CNTNAP2: variants seen among roughly 807,000 people sequenced by gnomAD.
CNTNAP2 encodes contactin associated protein 2.
A neutral mutation model predicts 155.2 loss-of-function variants in CNTNAP2; 98 were observed. The observed-to-expected ratio is 0.63, with a 90% CI of 0.54 to 0.75. The LOEUF is 0.75. CNTNAP2 is among the 30% of genes least tolerant of loss of function. The pLI is 0.00. For synonymous variants in CNTNAP2, 651 were observed against 631.2 expected, an observed-to-expected ratio of 1.03 and a Z score of -0.47; for missense variants, 1,727 against 1,688.1, an observed-to-expected ratio of 1.02 and a Z score of -0.40.
At chr7:146,157,137 C>CG (rs1554397528) in intron 1 of CNTNAP2, among the ~76,000 whole-genome samples, 1 of 150,538 alleles carries the variant, frequency 6.6e-6, no homozygotes, top group Non-Finnish European at 1.5e-5. Flanking sequence ...AGGTGAACTA[C>CG]TTTTTTTTTA....
intron 21 of CNTNAP2, among the ~76,000 whole-genome samples, chr7:148,364,803 C>T (rs1006942012): frequency 5.9e-5 from 9 of 152,202 alleles, no homozygotes; most frequent in Admixed American, 2.6e-4. Flanking sequence ...CCAGCATTGG[C>T]AACCCGCTCG....
chr7:147,961,248 T>C lies in CNTNAP2; in HGVS notation c.2256-16614T>C, dbSNP rs141944957. On this transcript the variant is annotated intron_variant, in intron 14 of 23. Coordinates refer to ENST00000361727, the MANE Select transcript of CNTNAP2 (RefSeq NM_014141.6). ...ATATACTCAAATGAAAAAATCCATG[T>C]ATCTTACTATCTTCTGCCTTCTTCT... Among the ~76,000 whole-genome samples, 390 of 152,318 alleles carry C rather than the reference T, an allele frequency of 2.6e-3. 1 individual carries two copies. Among genetic ancestry groups the C allele is most frequent in the African/African-American group, 9.2e-3 (382 of 41,570 alleles).
At chr7:147,128,638 T>C in intron 6 of CNTNAP2, 55 bp from the exon 7 acceptor site, 1 of 1,599,932 alleles carries the variant, frequency 6.3e-7, no homozygotes, top group South Asian at 1.1e-5. Context: ...CATAGTTTTG[T>C]CTAGTTCATC....
intron 1 of CNTNAP2, among the ~76,000 whole-genome samples, chr7:146,408,479 G>A (rs1212643066): frequency 1.3e-5 from 2 of 151,988 alleles, no homozygotes; most frequent in African/African-American, 2.4e-5. Flanking sequence ...GTAGGGACAT[G>A]GATGAAGCTG....
chr7:146,525,809 A>G (rs1038538947), intron 1 of CNTNAP2, among the ~76,000 whole-genome samples: 7 of 152,098 alleles, frequency 4.6e-5, no homozygotes, highest in Non-Finnish European at 5.9e-5. Flanking sequence ...TATGCTTTCA[A>G]CTGTATCCCC....
intron 6 of CNTNAP2, 158 bp downstream of exon 6, chr7:147,121,321 C>A (rs1801107245): frequency 3.0e-6 from 2 of 672,644 alleles, no homozygotes; most frequent in South Asian, 2.0e-5. Context: ...TAATTCGTTT[C>A]ATTTTATTTC....
intron 1 of CNTNAP2, among the ~76,000 whole-genome samples, chr7:146,704,135 A>G (rs1800923294): frequency 1.3e-5 from 2 of 152,148 alleles, no homozygotes; most frequent in Admixed American, 6.6e-5. Context: ...TGTAAATTGC[A>G]ATCATGGAGA....
At chr7:146,183,931 C>G (rs990888834) in intron 1 of CNTNAP2, among the ~76,000 whole-genome samples, 4 of 152,194 alleles carry the variant, frequency 2.6e-5, no homozygotes, top group African/African-American at 9.7e-5. Context: ...TTGTAGTCCA[C>G]AGTAGCTGGC....
At chr7:147,461,308 G>A (rs1363771726) in intron 10 of CNTNAP2, among the ~76,000 whole-genome samples, 2 of 152,086 alleles carry the variant, frequency 1.3e-5, no homozygotes, top group Admixed American at 1.3e-4. Context: ...CAGTTCATTG[G>A]TTGTATGAAA....
chr7:147,633,963 G>T (rs1253805799), intron 12 of CNTNAP2, among the ~76,000 whole-genome samples: 1 of 152,118 alleles, frequency 6.6e-6, no homozygotes, highest in African/African-American at 2.4e-5. Context: ...AATAACAGGT[G>T]GCATGGATGT....
At chr7:146,957,888 AATG>A (rs1161754751) in intron 3 of CNTNAP2, among the ~76,000 whole-genome samples, 1 of 152,212 alleles carries the variant, frequency 6.6e-6, no homozygotes, top group East Asian at 1.9e-4. Context: ...ACTTATCAAG[AATG>A]ATAATTCTTT....
chr7:148,159,355 T>C (rs909826665), intron 17 of CNTNAP2, among the ~76,000 whole-genome samples: 1 of 152,214 alleles, frequency 6.6e-6, no homozygotes, highest in African/African-American at 2.4e-5. Context: ...AAAGTATACA[T>C]ATCATTGTGG....
chr7:148,219,422 T>C (rs146752806), intron 19 of CNTNAP2, among the ~76,000 whole-genome samples: 8 of 152,290 alleles, frequency 5.3e-5, no homozygotes, highest in African/African-American at 1.9e-4. Context: ...GGCTGGGCAC[T>C]GTGGCTCATG....
At chr7:148,364,987 A>C (rs1798710545) in intron 21 of CNTNAP2, among the ~76,000 whole-genome samples, 2 of 152,170 alleles carry the variant, frequency 1.3e-5, no homozygotes. Context: ...AGAAACTCCG[A>C]ACACATCTGA....
chr7:148,093,756 G>T (rs1231322245), intron 15 of CNTNAP2, among the ~76,000 whole-genome samples: 1 of 152,078 alleles, frequency 6.6e-6, no homozygotes, highest in Non-Finnish European at 1.5e-5. Flanking sequence ...TATAGTAAGA[G>T]TACTCTTGAT....
At chr7:147,528,967 C>A (rs1265280868) in intron 11 of CNTNAP2, among the ~76,000 whole-genome samples, 1 of 152,144 alleles carries the variant, frequency 6.6e-6, no homozygotes, top group Non-Finnish European at 1.5e-5. Flanking sequence ...AGAGCCAGAC[C>A]ATGGGGATGA....
intron 1 of CNTNAP2, among the ~76,000 whole-genome samples, chr7:146,158,592 G>T (rs905054144): frequency 6.6e-6 from 1 of 152,152 alleles, no homozygotes; most frequent in African/African-American, 2.4e-5. Context: ...ACTATGTGAC[G>T]CATGTGCAAG....
intron 1 of CNTNAP2, among the ~76,000 whole-genome samples, chr7:146,561,099 T>G (rs557982605): frequency 6.6e-6 from 1 of 152,296 alleles, no homozygotes; most frequent in African/African-American, 2.4e-5. Context: ...AGAAAGAAAT[T>G]GCCCATCATC....
At chr7:148,136,347 C>A (rs1227588619) in intron 16 of CNTNAP2, among the ~76,000 whole-genome samples, 2 of 151,934 alleles carry the variant, frequency 1.3e-5, no homozygotes, top group East Asian at 3.9e-4. Context: ...GTGCTCTTCC[C>A]ATGGTAATGA....
Sources: gnomAD v4.1 joint callset for allele counts (sites outside exome capture counted in the v4.1 genomes callset) on GRCh38, gnomAD v4.1.1 for gene constraint, MANE v1.5 for transcripts, NCBI Gene and HGNC (gene_info 2026-07-23, HGNC 2026-07-21) for gene names.